Variants in KANSL1 observed in about 807,000 individuals in gnomAD.
KANSL1 encodes KAT8 regulatory NSL complex subunit 1.
KANSL1 carries 22 observed loss-of-function variants against 103.6 expected under a neutral mutation model. The ratio of observed to expected loss-of-function variants is 0.21; its 90% CI spans 0.15 to 0.30. The LOEUF is 0.30. Among genes scored for constraint, KANSL1 ranks in the 10% least tolerant of loss-of-function variants. The pLI is 1.00. For missense variants in KANSL1, 1,337 were observed against 1,399.8 expected (o/e 0.96, Z 0.72); for synonymous variants, 600 against 527.6 (o/e 1.14, Z -1.88).
At chr17:46,154,947 C>A (rs1597821725) in intron 2 of KANSL1, among the ~76,000 whole-genome samples, 2 of 152,156 alleles carry the variant, frequency 1.3e-5, no homozygotes, top group Non-Finnish European at 2.9e-5. Flanking sequence ...AAGGTATAAG[C>A]CACCACGAGC....
chr17:46,219,250 T>TTAAAAAAA (rs71262051), intron 1 of KANSL1, among the ~76,000 whole-genome samples: 3 of 135,280 alleles, frequency 2.2e-5, no homozygotes, highest in African/African-American at 2.9e-5. Context: ...TCTTGTCTCA[T>TTAAAAAAA]AAAAAAAAAA....
chr17:46,102,537 A>G (rs1434264954), intron 2 of KANSL1, among the ~76,000 whole-genome samples: 1 of 152,238 alleles, frequency 6.6e-6, no homozygotes, highest in Non-Finnish European at 1.5e-5. Flanking sequence ...GGTGTGAGCC[A>G]CAGCACCCAG....
chr17:46,204,411 G>A (rs2047899482), intron 1 of KANSL1, among the ~76,000 whole-genome samples: 1 of 152,182 alleles, frequency 6.6e-6, no homozygotes. Context: ...GTTGCAGTGA[G>A]CGGAGATCAC....
intron 2 of KANSL1, among the ~76,000 whole-genome samples, chr17:46,124,699 G>A (rs2043435574): frequency 6.6e-6 from 1 of 152,200 alleles, no homozygotes; most frequent in African/African-American, 2.4e-5. Context: ...CCCAACAGGA[G>A]TTTGGAAGAA....
chr17:46,087,812 G>C (rs545701247), intron 3 of KANSL1, among the ~76,000 whole-genome samples: 94 of 152,134 alleles, frequency 6.2e-4, no homozygotes, highest in African/African-American at 2.1e-3. Context: ...ACTTATTTCG[G>C]ATAAAGTTTA....
chr17:46,053,647 G>A (rs1332683010), intron 6 of KANSL1, among the ~76,000 whole-genome samples: 1 of 152,080 alleles, frequency 6.6e-6, no homozygotes, highest in Non-Finnish European at 1.5e-5. Context: ...TTGTTAGCCA[G>A]GATGGTCTTG....
intron 2 of KANSL1, among the ~76,000 whole-genome samples, chr17:46,116,890 G>A (rs1567693905): frequency 2.0e-5 from 3 of 152,164 alleles, no homozygotes; most frequent in Non-Finnish European, 4.4e-5. Context: ...CCAAAAGAGT[G>A]TTTGAAAATA....
intron 2 of KANSL1, among the ~76,000 whole-genome samples, chr17:46,153,172 AG>A (rs2045218832): frequency 1.3e-5 from 2 of 152,342 alleles, no homozygotes; most frequent in African/African-American, 4.8e-5. Flanking sequence ...TTAATTTACT[AG>A]GAAAGTGCAA....
chr17:46,133,857 A>T (rs967825684), intron 2 of KANSL1, among the ~76,000 whole-genome samples: 2 of 152,246 alleles, frequency 1.3e-5, no homozygotes, highest in African/African-American at 4.8e-5. Flanking sequence ...CAATACAAGG[A>T]TATCAATTAT....
intron 1 of KANSL1, among the ~76,000 whole-genome samples, chr17:46,179,300 A>C (rs1387732783): frequency 6.6e-6 from 1 of 152,228 alleles, no homozygotes; most frequent in Non-Finnish European, 1.5e-5. Context: ...AACTAACTCC[A>C]CACCCACAAA....
chr17:46,184,345 G>A (rs2046922399), intron 1 of KANSL1, among the ~76,000 whole-genome samples: 1 of 152,174 alleles, frequency 6.6e-6, no homozygotes, highest in Non-Finnish European at 1.5e-5. Flanking sequence ...ACCTCATTAT[G>A]TACTATAGTA....
intron 6 of KANSL1, among the ~76,000 whole-genome samples, chr17:46,060,534 C>T (rs1016083447): frequency 6.6e-6 from 1 of 152,152 alleles, no homozygotes; most frequent in Admixed American, 6.6e-5. Flanking sequence ...GCTTTATGTC[C>T]TAAGGTACAA....
chr17:46,152,741 A>T (rs147839914), intron 2 of KANSL1, among the ~76,000 whole-genome samples: 1 of 152,374 alleles, frequency 6.6e-6, no homozygotes, highest in African/African-American at 2.4e-5. Context: ...CGAGGGTTTC[A>T]TAAGTTACTG....
At chr17:46,122,142 T>G (rs1025026326) in intron 2 of KANSL1, among the ~76,000 whole-genome samples, 11 of 152,322 alleles carry the variant, frequency 7.2e-5, no homozygotes, top group African/African-American at 2.6e-4. Flanking sequence ...TGCTAGCAAC[T>G]ACAGTCTAAA....
chr17:46,038,171 CTTG>C (rs998037242), intron 10 of KANSL1: 18 of 204,418 alleles, frequency 8.8e-5, no homozygotes, highest in African/African-American at 3.9e-4. Flanking sequence ...CCCCTCCTCT[CTTG>C]TTCACTTCTT....
intron 7 of KANSL1, among the ~76,000 whole-genome samples, chr17:46,047,802 T>TAA (rs66740033): frequency 1.0e-4 from 12 of 120,156 alleles, no homozygotes; most frequent in East Asian, 2.3e-4. Flanking sequence ...AAATAAAAAT[T>TAA]AAAAAAAAAA....
At chr17:46,109,688 A>G (rs2042720938) in intron 2 of KANSL1, among the ~76,000 whole-genome samples, 1 of 152,224 alleles carries the variant, frequency 6.6e-6, no homozygotes, top group East Asian at 1.9e-4. Flanking sequence ...GTGTGATTTC[A>G]ATGACATAAC....
At chr17:46,061,759 C>T (rs1478900125) in intron 6 of KANSL1, among the ~76,000 whole-genome samples, 1 of 152,132 alleles carries the variant, frequency 6.6e-6, no homozygotes, top group Non-Finnish European at 1.5e-5. Flanking sequence ...GTCTGTCTTT[C>T]CACCTCCAGT....
chr17:46,117,027 G>A (rs1236524724), intron 2 of KANSL1, among the ~76,000 whole-genome samples: 1 of 152,174 alleles, frequency 6.6e-6, no homozygotes, highest in East Asian at 1.9e-4. Context: ...ATGAGGGAAT[G>A]TTTTTAAAAA....
Sources: gnomAD v4.1 joint callset for allele counts (sites outside exome capture counted in the v4.1 genomes callset) on GRCh38, gnomAD v4.1.1 for gene constraint, MANE v1.5 for transcripts, NCBI Gene and HGNC (gene_info 2026-07-23, HGNC 2026-07-21) for gene names.